The following TTYH3 variants were observed in gnomAD, a reference collection of about 807,000 sequenced individuals.
TTYH3 encodes protein tweety homolog 3.
TTYH3 carries 23 observed loss-of-function variants against 68.2 expected under a neutral mutation model. The ratio of observed to expected loss-of-function variants is 0.34; its 90% CI spans 0.24 to 0.48. The LOEUF is 0.48. TTYH3 is among the 20% of genes least tolerant of loss of function. TTYH3 has a pLI of 0.99. For synonymous variants in TTYH3, 360 were observed against 332.8 expected, an observed-to-expected ratio of 1.08 and a Z score of -0.89; for missense variants, 768 against 727.7, an observed-to-expected ratio of 1.06 and a Z score of -0.64.
rs145965229 is a variant in TTYH3, at chr7:2,641,219, G to C, written c.124-5634G>C. On this transcript the variant is annotated intron_variant, in intron 1 of 13. Transcript: ENST00000258796. The stretch of plus-strand genomic sequence containing the variant: ...ATCCTATCGGTAGCAACCTGATCTG[G>C]GACAGAGTAAGGCTTCAGGCCCCGG... 1.6e-3 allele frequency among the ~76,000 whole-genome samples: 245 copies of C among 152,336 alleles called. 1 individual carries two copies. Among genetic ancestry groups the C allele is most frequent in the African/African-American group, 5.7e-3 (237 of 41,574 alleles).
At chr7:2,653,216 CT>C (rs1165621192) in intron 9 of TTYH3, among the ~76,000 whole-genome samples, 1 of 152,174 alleles carries the variant, frequency 6.6e-6, no homozygotes, top group Non-Finnish European at 1.5e-5. Context: ...TTTTCCTCCC[CT>C]TCCTCCCTCC....
chr7:2,649,688 G>C (rs767530327), intron 6 of TTYH3, 49 bp downstream of exon 6: 1 of 1,564,874 alleles, frequency 6.4e-7, no homozygotes, highest in Non-Finnish European at 8.6e-7. Context: ...CTGGGCACTG[G>C]GGGAGGGACG....
At chr7:2,655,636 G>A (rs952199222) in intron 9 of TTYH3, among the ~76,000 whole-genome samples, 13 of 152,230 alleles carry the variant, frequency 8.5e-5, no homozygotes, top group Admixed American at 7.2e-4. Flanking sequence ...CGTAAGCACC[G>A]GTGAGCACAC....
intron 9 of TTYH3, among the ~76,000 whole-genome samples, chr7:2,655,240 G>A (rs964587404): frequency 5.9e-5 from 9 of 152,072 alleles, no homozygotes; most frequent in South Asian, 4.1e-4. Flanking sequence ...TTCGCCTCCC[G>A]GCTGAAGCGA....
chr7:2,657,533 G>C (rs888462602), intron 11 of TTYH3, among the ~76,000 whole-genome samples: 5 of 152,162 alleles, frequency 3.3e-5, no homozygotes, highest in Admixed American at 1.3e-4. Context: ...GGTAGACATA[G>C]GGGAGTAGAT....
At chr7:2,639,318 G>A (rs577843125) in intron 1 of TTYH3, among the ~76,000 whole-genome samples, 27 of 152,334 alleles carry the variant, frequency 1.8e-4, no homozygotes, top group African/African-American at 5.1e-4. Flanking sequence ...TGCAGGAGAC[G>A]TTTGCCGCCT....
In TTYH3 at chr7:2,643,640, G is replaced by A. The variant is rs139560695; in HGVS notation, c.124-3213G>A. The stretch of plus-strand genomic sequence containing the variant: ...CTGAGGGACGGGCTTGCCTCGCCCA[G>A]ATCCTGTTTGGCCAGGGCTTATCTC... On this transcript the variant is annotated intron_variant, in intron 1 of 13. Transcript: ENST00000258796. 2.6e-3 allele frequency among the ~76,000 whole-genome samples: 391 copies of A among 152,370 alleles called. 5 individuals carry two copies. The highest frequency in any genetic ancestry group is 8.8e-3 in the African/African-American group (367 of 41,594).
In TTYH3 at chr7:2,656,114, A is replaced by T. The variant is rs148146737; in HGVS notation, c.1043A>T (p.Glu348Val). Residue 348 changes from glutamate to valine, a missense_variant, in exon 10 of 14, where the codon GAG becomes GTG. Transcript: ENST00000258796. ...ATKDPLLRVQ[E>V]VLNGTEVNLQ... The stretch of plus-strand genomic sequence containing the variant: ...CAGGACCCCCTCCTCCGCGTCCAGG[A>T]GGTGCTGAATGGCACGGAGGTGAAC... 3.8e-6 allele frequency: 6 copies of T among 1,561,530 alleles called. No individual in the cohort carries two copies. Among genetic ancestry groups the T allele is most frequent in the Non-Finnish European group, 4.3e-6 (5 of 1,152,062 alleles).
intron 1 of TTYH3, among the ~76,000 whole-genome samples, chr7:2,641,007 T>A (rs1176685517): frequency 6.6e-6 from 1 of 152,080 alleles, no homozygotes; most frequent in East Asian, 1.9e-4. Context: ...AGATGGCCTG[T>A]GTATGGGGAC....
chr7:2,659,814 C>T (rs1011447262), intron 13 of TTYH3: 20 of 1,193,270 alleles, frequency 1.7e-5, no homozygotes, highest in Admixed American at 1.1e-4. Context: ...GGCCCAGTCC[C>T]GCTCGGCTGC....
intron 12 of TTYH3, 49 bp from the exon 13 acceptor site, chr7:2,658,891 G>T: frequency 6.3e-7 from 1 of 1,584,006 alleles, no homozygotes; most frequent in Non-Finnish European, 8.7e-7. Context: ...CTGCAGCTGG[G>T]ACTGCATGGC....
At chr7:2,648,706 C>T (rs73281106) in intron 5 of TTYH3, among the ~76,000 whole-genome samples, 2,803 of 152,090 alleles carry the variant, frequency 0.018, 79 homozygotes, top group African/African-American at 0.064. Context: ...GAGGTGATAG[C>T]ACCCTGGAGA....
chr7:2,647,980 G>T lies in TTYH3; in HGVS notation c.648G>T (p.Leu216=). ...DWYRWLGYLG[L]LLLDVIICLL... is the part of the protein sequence containing the mutation. The stretch of plus-strand genomic sequence containing the variant: ...GCAGGTGGCTGGGCTACCTGGGCCT[G>T]CTGCTGCTGGACGTCATCATCTGCC... The change falls in exon 5 of 14, where the codon CTG becomes CTT. Residue 216 remains leucine (L), a synonymous_variant. Coordinates refer to ENST00000258796, the MANE Select transcript of TTYH3 (RefSeq NM_025250.3). 1 of 1,609,432 alleles carries T rather than the reference G, an allele frequency of 6.2e-7. No individual in the cohort carries two copies. The highest frequency in any genetic ancestry group is 1.1e-5 in the South Asian group (1 of 91,074).
chr7:2,652,822 G>A, intron 8 of TTYH3, 96 bp from the exon 9 acceptor site: 6 of 967,190 alleles, frequency 6.2e-6, no homozygotes, highest in Non-Finnish European at 7.9e-6. Context: ...TCCCAGGCTG[G>A]ACGTCTTGCT....
intron 1 of TTYH3, among the ~76,000 whole-genome samples, chr7:2,634,106 C>G (rs1409048990): frequency 6.6e-6 from 1 of 152,250 alleles, no homozygotes; most frequent in Non-Finnish European, 1.5e-5. Context: ...CTCCACAGAG[C>G]AGAATTAGCC....
chr7:2,646,966 G>T lies in TTYH3; in HGVS notation c.237G>T (p.Leu79=). The change falls in exon 2 of 14, where the codon CTG becomes CTT. Residue 79 remains leucine (L), a synonymous_variant. Transcript: ENST00000258796. ...GGCGGCGCAAGAGCGAGGAGCACCT[G>T]GACGCCGACTGCTGCTGCACGGCCT... ...CCRRRKSEEH[L]DADCCCTAWC... The T allele has an allele frequency of 6.3e-7, 1 of 1,597,882 alleles. No individual in the cohort carries two copies. Among genetic ancestry groups the T allele is most frequent in the Non-Finnish European group, 8.5e-7 (1 of 1,176,810 alleles).
rs1270635506 is a variant in TTYH3 at position 2,664,696 on chromosome 7, C to A, written c.*2957C>A. 6.6e-6 allele frequency: 1 copy of A among 151,986 alleles called. No homozygotes were observed. The highest frequency in any genetic ancestry group is 1.5e-5 in the Non-Finnish European group (1 of 67,950). 9.4% of individuals were successfully genotyped at this position (151,986 alleles called of 1,614,324 possible). A position where few individuals can be genotyped will look rare whatever the true frequency, so the allele number is the denominator to read the frequency against. ...TGGGTTTGGGGGCTGATTTTTATTTCTTTGGGGGCTTTTTTTCTTGGCAAA... is the reference window on the plus strand; with the variant it reads ...TGGGTTTGGGGGCTGATTTTTATTTATTTGGGGGCTTTTTTTCTTGGCAAA... On this transcript the variant is annotated 3_prime_UTR_variant, in exon 14 of 14. Transcript: ENST00000258796.
chr7:2,659,890 A>ACTCT (rs139527284), intron 13 of TTYH3: 8 of 1,173,370 alleles, frequency 6.8e-6, no homozygotes, highest in African/African-American at 4.8e-5. Context: ...TTGAGGCCAC[A>ACTCT]CTCTCTCTCT....
chr7:2,657,400 G>T (rs1220607659), intron 11 of TTYH3, among the ~76,000 whole-genome samples: 1 of 135,546 alleles, frequency 7.4e-6, no homozygotes, highest in African/African-American at 3.4e-5. Context: ...TGATGATGGT[G>T]GTGGTGGTTG....
Sources: gnomAD v4.1 joint callset for allele counts (sites outside exome capture counted in the v4.1 genomes callset) on GRCh38, gnomAD v4.1.1 for gene constraint, MANE v1.5 for transcripts, NCBI Gene and HGNC (gene_info 2026-07-23, HGNC 2026-07-21) for gene names.